The following CDH23 variants were observed in gnomAD, a reference collection of about 807,000 sequenced individuals.
CDH23 encodes the protein cadherin-23.
A neutral mutation model predicts 317.1 loss-of-function variants in CDH23; 189 were observed. That is an observed-to-expected ratio of 0.60 (90% CI 0.53 to 0.67). The LOEUF (loss-of-function observed/expected upper bound fraction) is 0.67. CDH23 is among the 30% of genes least tolerant of loss of function. The pLI, the probability that CDH23 is intolerant of heterozygous loss-of-function variation, is 0.00. For synonymous variants in CDH23, 1,839 were observed against 1,876.8 expected, an observed-to-expected ratio of 0.98 and a Z score of 0.52; for missense variants, 4,401 against 4,592.4, an observed-to-expected ratio of 0.96 and a Z score of 1.20.
chr10:71,695,961 C>A (rs1283298203), intron 22 of CDH23, among the ~76,000 whole-genome samples: 1 of 152,244 alleles, frequency 6.6e-6, no homozygotes. Flanking sequence ...ACCTCCCCCA[C>A]GGGCTGGCCC....
chr10:71,492,932 G>C (rs910655693), intron 3 of CDH23, among the ~76,000 whole-genome samples: 2 of 152,190 alleles, frequency 1.3e-5, no homozygotes, highest in East Asian at 3.8e-4. Context: ...CAGCAACAAG[G>C]CCAAAGAAGT....
chr10:71,485,863 T>C (rs1757742007), intron 3 of CDH23, among the ~76,000 whole-genome samples: 1 of 152,208 alleles, frequency 6.6e-6, no homozygotes, highest in Non-Finnish European at 1.5e-5. Flanking sequence ...TGTCCAGGCG[T>C]CTCAGTCTGA....
Position 71,617,338 on chromosome 10 carries a change from T to C in CDH23, c.1079T>C (p.Leu360Pro). Residue 360 changes from leucine (L) to proline (P), a missense_variant, in exon 11 of 70, where the codon CTG (leucine) becomes CCG (proline). Coordinates refer to ENST00000224721, the MANE Select transcript of CDH23 (RefSeq NM_022124.6). Reference protein sequence around the residue: ...SSEYSVAITELAQVGFALPLF... With the variant: ...SSEYSVAITEPAQVGFALPLF... ...GAGTACAGCGTGGCCATCACTGAGC[T>C]GGCACAGGTCGGCTTTGCCCTTCCA... is the stretch of plus-strand genomic sequence containing the variant. 1 of 1,613,966 alleles carries C rather than the reference T, an allele frequency of 6.2e-7. No individual in the cohort carries two copies. The highest frequency in any genetic ancestry group is 8.5e-7 in the Non-Finnish European group (1 of 1,179,884).
chr10:71,798,738 A>G (rs1841475727), intron 50 of CDH23, among the ~76,000 whole-genome samples, 160 bp downstream of exon 50: 2 of 152,188 alleles, frequency 1.3e-5, no homozygotes, highest in African/African-American at 2.4e-5. Context: ...AACCAGGGGA[A>G]GGGACAGAGT....
intron 35 of CDH23, 104 bp downstream of exon 35, chr10:71,738,751 G>T (rs538763835): frequency 7.3e-7 from 1 of 1,362,002 alleles, no homozygotes; most frequent in Admixed American, 2.1e-5. Context: ...CCAAGCACCA[G>T]GTTCTTCCGG....
intron 66 of CDH23, 32 bp from the exon 67 acceptor site, chr10:71,812,448 C>T (rs940980641): frequency 5.7e-6 from 7 of 1,222,924 alleles, no homozygotes; most frequent in Non-Finnish European, 8.0e-6. Context: ...AGCCTTCCCT[C>T]CCTCCCCACC....
rs942256830 is a variant in CDH23, at chr10:71,779,161, G to A, written c.5188-106G>A. 5.8e-6 allele frequency: 6 copies of A among 1,032,178 alleles called. No homozygotes were observed. The Admixed American group carries it at 9.7e-5, about 17-fold the overall frequency. The allele number at this position is 1,032,178 out of a possible 1,614,324, so 63.9% of individuals were successfully genotyped here. A position where few individuals can be genotyped will look rare whatever the true frequency, so the allele number is the denominator to read the frequency against. Reference sequence around the variant, plus strand: ...GACTTCCCATATGATTCCTGCATGGGCCTCATGAGGCAGAATTATCAGGTC... The same window carrying A: ...GACTTCCCATATGATTCCTGCATGGACCTCATGAGGCAGAATTATCAGGTC... On this transcript the variant is annotated intron_variant, in intron 40 of 69. Transcript: ENST00000224721.
At chr10:71,543,118 T>G (rs998378559) in intron 6 of CDH23, among the ~76,000 whole-genome samples, 6 of 152,316 alleles carry the variant, frequency 3.9e-5, no homozygotes, top group African/African-American at 1.4e-4. Context: ...ACGCTGTTCC[T>G]CCAGGGCCCC....
intron 6 of CDH23, among the ~76,000 whole-genome samples, chr10:71,540,688 CA>C (rs1855939337): frequency 6.6e-6 from 1 of 152,108 alleles, no homozygotes; most frequent in South Asian, 2.1e-4. Flanking sequence ...TTGTGCCGAC[CA>C]GGGCCCCAGC....
At chr10:71,742,082 C>T (rs1839752033) in intron 38 of CDH23, 161 bp downstream of exon 38, 3 of 683,004 alleles carry the variant, frequency 4.4e-6, no homozygotes, top group Admixed American at 2.9e-5. Flanking sequence ...CCAAGATGGC[C>T]TCCCCTTACG....
intron 3 of CDH23, among the ~76,000 whole-genome samples, chr10:71,478,479 AGG>A (rs950058158): frequency 6.6e-6 from 1 of 152,164 alleles, no homozygotes; most frequent in African/African-American, 2.4e-5. Flanking sequence ...CCCCTGTCAC[AGG>A]GAGTTGTCCC....
intron 9 of CDH23, among the ~76,000 whole-genome samples, chr10:71,580,545 T>A (rs1189620377): frequency 1.3e-5 from 2 of 152,208 alleles, no homozygotes; most frequent in African/African-American, 4.8e-5. Context: ...AATGGCTGCC[T>A]GCAGAGGATC....
At chr10:71,680,743 T>G in intron 17 of CDH23, among the ~76,000 whole-genome samples, 2 of 73,712 alleles carry the variant, frequency 2.7e-5, no homozygotes, top group African/African-American at 4.9e-5. Context: ...TGACACTCCG[T>G]CTCAAAAAAA....
rs766421716 is a variant in CDH23, at chr10:71,741,928, G to A, written c.4845+7G>A. 32 of 1,573,992 alleles carry A rather than the reference G, an allele frequency of 2.0e-5. No homozygotes were observed. The highest frequency in any genetic ancestry group is 2.4e-5 in the Non-Finnish European group (28 of 1,158,708). The stretch of plus-strand genomic sequence containing the variant: ...GGGCACCCCAACCCTGTCGGTGAGC[G>A]ATGGGGGTGGCCACAGGGAGGAGCG... On this transcript the variant is annotated splice_region_variant and intron_variant, in intron 38 of 69. Coordinates refer to ENST00000224721, the MANE Select transcript of CDH23 (RefSeq NM_022124.6).
At chr10:71,497,715 T>C (rs1418432324) in intron 3 of CDH23, among the ~76,000 whole-genome samples, 1 of 152,148 alleles carries the variant, frequency 6.6e-6, no homozygotes, top group Non-Finnish European at 1.5e-5. Flanking sequence ...GGGACCTTAA[T>C]GTGGTGTGGT....
chr10:71,405,266 G>T (rs1157420207), intron 1 of CDH23, among the ~76,000 whole-genome samples: 2 of 152,058 alleles, frequency 1.3e-5, no homozygotes, highest in East Asian at 3.9e-4. Context: ...GCTCCGAACT[G>T]CCCCTGGCCC....
intron 14 of CDH23, among the ~76,000 whole-genome samples, chr10:71,672,050 TG>T (rs1478703780): frequency 6.6e-6 from 1 of 151,792 alleles, no homozygotes; most frequent in Non-Finnish European, 1.5e-5. Flanking sequence ...ACATCCTGGT[TG>T]GGGGAGACGC....
At chr10:71,519,426 A>G (rs2132226733) in intron 6 of CDH23, among the ~76,000 whole-genome samples, 1 of 152,348 alleles carries the variant, frequency 6.6e-6, no homozygotes, top group South Asian at 2.1e-4. Context: ...TTCTGCCTGT[A>G]TGCCTTTTCC....
chr10:71,542,428 C>A (rs1856036241), intron 6 of CDH23, among the ~76,000 whole-genome samples: 1 of 152,216 alleles, frequency 6.6e-6, no homozygotes, highest in Non-Finnish European at 1.5e-5. Flanking sequence ...AGCCCTCAAT[C>A]CTCTGTCTTT....
Sources: allele counts gnomAD v4.1 joint callset (sites outside exome capture counted in the v4.1 genomes callset), GRCh38; gene constraint gnomAD v4.1.1; transcripts MANE v1.5; gene names NCBI Gene and HGNC (gene_info 2026-07-23, HGNC 2026-07-21).